PECAM1: variants seen among roughly 807,000 people sequenced by gnomAD.
PECAM1 encodes platelet endothelial cell adhesion molecule.
PECAM1 carries 8 observed loss-of-function variants against 13.8 expected under a neutral mutation model. The ratio of observed to expected loss-of-function variants is 0.58; its 90% CI spans 0.34 to 1.05. PECAM1 has a LOEUF of 1.05. PECAM1 is among the 50% of genes least tolerant of loss of function. The pLI is 0.03. For synonymous variants in PECAM1, 136 were observed against 52.6 expected (o/e 2.58, Z -6.86); for missense variants, 304 against 141.2 (o/e 2.15, Z -5.84).
At chr17:64,345,919 A>C (rs1202868361) in intron 13 of PECAM1, among the ~76,000 whole-genome samples, 1 of 151,952 alleles carries the variant, frequency 6.6e-6, no homozygotes, top group Non-Finnish European at 1.5e-5. Flanking sequence ...CCTGTAAGGA[A>C]AGTTCTGTGC....
intron 7 of PECAM1, 137 bp downstream of exon 7, chr17:64,360,003 T>G (rs998473177): frequency 4.3e-6 from 2 of 469,960 alleles, no homozygotes. Flanking sequence ...TCACCGGCCT[T>G]GGCCTCCTAA....
chr17:64,381,838 T>C (rs1196535640), intron 2 of PECAM1, among the ~76,000 whole-genome samples: 4 of 152,190 alleles, frequency 2.6e-5, no homozygotes, highest in Non-Finnish European at 5.9e-5. Flanking sequence ...CGGTGGTTTA[T>C]GCCTGTAATC....
intron 14 of PECAM1, among the ~76,000 whole-genome samples, chr17:64,331,991 C>T (rs540706970): frequency 1.6e-4 from 25 of 152,204 alleles, no homozygotes; most frequent in Non-Finnish European, 3.7e-4. Context: ...TCCTCCTGGA[C>T]CTCGGGCAGG....
chr17:64,362,313 T>G (rs6504224), intron 6 of PECAM1, among the ~76,000 whole-genome samples: 121,181 of 152,152 alleles, frequency 0.8, 54,402 homozygotes, highest in East Asian at 1. Flanking sequence ...CTGGAAGTCT[T>G]ACCCTTTTGG....
chr17:64,348,809 G>A (rs1039693838), intron 12 of PECAM1, among the ~76,000 whole-genome samples: 2 of 152,090 alleles, frequency 1.3e-5, no homozygotes, highest in South Asian at 2.1e-4. Context: ...AATTCCATTC[G>A]GGATGAGGAA....
At chr17:64,389,652 A>G (rs1440168393) in intron 2 of PECAM1, among the ~76,000 whole-genome samples, 6 of 152,222 alleles carry the variant, frequency 3.9e-5, no homozygotes, top group African/African-American at 1.4e-4. Flanking sequence ...ACAATATTCA[A>G]ATAAGCCATT....
chr17:64,359,757 GC>G (rs1422395532), intron 7 of PECAM1, among the ~76,000 whole-genome samples: 3 of 49,994 alleles, frequency 6.0e-5, no homozygotes, highest in Non-Finnish European at 2.2e-4. Flanking sequence ...TACTTCTCTC[GC>G]TTTTTTTTTT....
chr17:64,323,294 G>A lies in PECAM1; in HGVS notation c.*522C>T. ...CATTTGTGGAGGGCGAGGTCATAGA[G>A]GGGACAGGGGGAGGCTGTCTGGTCA... is the stretch of plus-strand genomic sequence containing the variant. On this transcript the variant is annotated 3_prime_UTR_variant, in exon 16 of 16. Coordinates refer to ENST00000563924, the MANE Select transcript of PECAM1 (RefSeq NM_000442.5). 1.0e-6 allele frequency: 1 copy of A among 1,000,244 alleles called. No homozygotes were observed. Among genetic ancestry groups the A allele is most frequent in the Non-Finnish European group, 1.2e-6 (1 of 838,540 alleles). The allele number at this position is 1,000,244 out of a possible 1,614,324, so 62.0% of individuals were successfully genotyped here. A position where few individuals can be genotyped will look rare whatever the true frequency, so the allele number is the denominator to read the frequency against.
At chr17:64,331,448 A>G (rs550040376) in intron 14 of PECAM1, among the ~76,000 whole-genome samples, 1 of 152,250 alleles carries the variant, frequency 6.6e-6, no homozygotes, top group African/African-American at 2.4e-5. Context: ...AGTCTCCCAA[A>G]GTGCTGGGAT....
In PECAM1 at chr17:64,390,529, A is replaced by T; in HGVS notation, c.65-14T>A. 2.1e-6 allele frequency: 1 copy of T among 474,376 alleles called. No homozygotes were observed. The allele number at this position is 474,376 out of a possible 1,614,324, so 29.4% of individuals were successfully genotyped here. A position where few individuals can be genotyped will look rare whatever the true frequency, so the allele number is the denominator to read the frequency against. On this transcript the variant is annotated splice_polypyrimidine_tract_variant and intron_variant, in intron 1 of 15. Coordinates refer to ENST00000563924, the MANE Select transcript of PECAM1 (RefSeq NM_000442.5). ...CAAGGCTTGAACCTGCAAGAAACAT[A>T]AGAAACATGTTGATTCCAGAAGCTT...
chr17:64,362,698 CA>C, intron 6 of PECAM1, among the ~76,000 whole-genome samples: 1 of 150,706 alleles, frequency 6.6e-6, no homozygotes, highest in Middle Eastern at 3.4e-3. Context: ...AATAAAAATA[CA>C]AAAATTAGGC....
At chr17:64,325,234 A>G (rs2143657971) in intron 15 of PECAM1, among the ~76,000 whole-genome samples, 1 of 152,042 alleles carries the variant, frequency 6.6e-6, no homozygotes, top group East Asian at 1.9e-4. Flanking sequence ...TGAAAAATAC[A>G]AAAATTAGCC....
intron 3 of PECAM1, among the ~76,000 whole-genome samples, chr17:64,376,333 TAAA>T (rs2036358049): frequency 1.1e-4 from 16 of 151,448 alleles, no homozygotes; most frequent in Admixed American, 2.6e-4. Flanking sequence ...AATAAATAAA[TAAA>T]TAAATTTAAA....
rs1030927912 is a variant in PECAM1, at chr17:64,319,486, T to C, written c.*4330A>G. ...CAAAAGGAAGTACACTACACTTGGG[T>C]CAGGCAGGCAACTTGAGAGATCTAA... On this transcript the variant is annotated 3_prime_UTR_variant, in exon 16 of 16. Coordinates refer to ENST00000563924, the MANE Select transcript of PECAM1 (RefSeq NM_000442.5). 2.0e-5 allele frequency: 3 copies of C among 151,350 alleles called. No homozygotes were observed. The highest frequency in any genetic ancestry group is 7.3e-5 in the African/African-American group (3 of 41,132). 9.4% of individuals were successfully genotyped at this position (151,350 alleles called of 1,614,324 possible).
At chr17:64,375,003 CA>C in intron 4 of PECAM1, 47 bp downstream of exon 4, 2 of 463,768 alleles carry the variant, frequency 4.3e-6, no homozygotes, top group Non-Finnish European at 7.9e-6. Context: ...CTCCCCATAC[CA>C]AACCAGAAAC....
intron 5 of PECAM1, among the ~76,000 whole-genome samples, chr17:64,367,880 T>A (rs1487804095): frequency 2.0e-5 from 3 of 152,208 alleles, no homozygotes; most frequent in African/African-American, 7.2e-5. Flanking sequence ...ATATAAGTCA[T>A]GATCAATACT....
At chr17:64,363,865 ACC>A (rs2036042378) in intron 5 of PECAM1, among the ~76,000 whole-genome samples, 1 of 151,890 alleles carries the variant, frequency 6.6e-6, no homozygotes, top group Non-Finnish European at 1.5e-5. Flanking sequence ...AATCCCTTGA[ACC>A]CAGGAGACAG....
intron 2 of PECAM1, among the ~76,000 whole-genome samples, chr17:64,383,704 T>A (rs1042213760): frequency 1.3e-5 from 2 of 152,304 alleles, no homozygotes; most frequent in South Asian, 4.1e-4. Context: ...CCTCCCTTTT[T>A]AAAAAACAAT....
intron 14 of PECAM1, among the ~76,000 whole-genome samples, chr17:64,330,732 T>C (rs2035090878): frequency 6.9e-6 from 1 of 144,338 alleles, no homozygotes; most frequent in Admixed American, 7.3e-5. Context: ...TCTGGCCTCA[T>C]TCTCCAAACC....
Sources: allele counts gnomAD v4.1 joint callset (sites outside exome capture counted in the v4.1 genomes callset), GRCh38; gene constraint gnomAD v4.1.1; transcripts MANE v1.5; gene names NCBI Gene and HGNC (gene_info 2026-07-23, HGNC 2026-07-21).